The following GRIK2 variants were observed in gnomAD, a reference collection of about 807,000 sequenced individuals.
GRIK2 encodes the protein glutamate ionotropic receptor kainate type subunit 2, also known as glutamate receptor ionotropic, kainate 2.
A neutral mutation model predicts 100.3 loss-of-function variants in GRIK2; 32 were observed. That is an observed-to-expected ratio of 0.32 (90% CI 0.24 to 0.43). The LOEUF is 0.43. Ranked by LOEUF, GRIK2 falls within the 20% of genes least tolerant of loss-of-function variation. GRIK2 has a pLI of 1.00. For synonymous variants in GRIK2, 417 were observed against 389.4 expected (o/e 1.07, Z -0.83); for missense variants, 843 against 1,114.9 (o/e 0.76, Z 3.47).
chr6:101,876,640 A>G lies in GRIK2; in HGVS notation c.1525-13000A>G, dbSNP rs1038705253. Among the ~76,000 whole-genome samples the G allele has an allele frequency of 5.3e-5, 8 of 151,856 alleles. No individual in the cohort carries two copies. The East Asian group carries it at 5.8e-4, about 11-fold the overall frequency. On this transcript the variant is annotated intron_variant, in intron 11 of 16. Coordinates refer to ENST00000369134, the MANE Select transcript of GRIK2 (RefSeq NM_021956.5). Reference sequence around the variant, plus strand: ...GCTTATCAATGCACAGTGAGATTTAATGTGCACTACTCATTATCCTGGTGA... The same window carrying G: ...GCTTATCAATGCACAGTGAGATTTAGTGTGCACTACTCATTATCCTGGTGA...
intron 2 of GRIK2, among the ~76,000 whole-genome samples, chr6:101,484,173 A>T (rs575883027): frequency 6.6e-6 from 1 of 152,332 alleles, no homozygotes; most frequent in East Asian, 1.9e-4. Context: ...AGTAGAGTAG[A>T]TAATAGTCCC....
chr6:101,926,108 T>C (rs368744668), intron 13 of GRIK2, among the ~76,000 whole-genome samples: 216 of 151,410 alleles, frequency 1.4e-3, no homozygotes, highest in Non-Finnish European at 2.5e-3. Context: ...AACCTAAGTT[T>C]GTGGCATCTC....
chr6:101,788,045 AC>A (rs765340139), intron 7 of GRIK2, among the ~76,000 whole-genome samples: 19 of 150,492 alleles, frequency 1.3e-4, no homozygotes, highest in Non-Finnish European at 2.4e-4. Flanking sequence ...TTATATAATG[AC>A]CTGGTTTGTC....
intron 14 of GRIK2, among the ~76,000 whole-genome samples, chr6:101,942,560 A>T (rs990676310): frequency 3.3e-5 from 5 of 152,188 alleles, no homozygotes; most frequent in Non-Finnish European, 7.3e-5. Context: ...GGAGATGATG[A>T]ACTTATTGGG....
At chr6:101,844,268 G>A (rs1384854368) in intron 10 of GRIK2, among the ~76,000 whole-genome samples, 1 of 152,112 alleles carries the variant, frequency 6.6e-6, no homozygotes, top group Non-Finnish European at 1.5e-5. Flanking sequence ...TGCTTAAGGG[G>A]AAAATTATCT....
At chr6:101,925,687 C>T (rs1789842646) in intron 13 of GRIK2, among the ~76,000 whole-genome samples, 1 of 151,678 alleles carries the variant, frequency 6.6e-6, no homozygotes, top group Non-Finnish European at 1.5e-5. Context: ...AGTTATCATA[C>T]CTATCATAAG....
At chr6:101,480,521 G>C (rs758177659) in intron 2 of GRIK2, among the ~76,000 whole-genome samples, 12 of 151,896 alleles carry the variant, frequency 7.9e-5, no homozygotes, top group Non-Finnish European at 4.4e-5. Flanking sequence ...AAGCCTCACT[G>C]TTGCTTTGTT....
intron 2 of GRIK2, among the ~76,000 whole-genome samples, chr6:101,406,138 A>G (rs1775583759): frequency 6.6e-6 from 1 of 152,178 alleles, no homozygotes; most frequent in South Asian, 2.1e-4. Flanking sequence ...TTTCAAAGTG[A>G]CAGTTACCTA....
At chr6:101,550,998 G>A (rs1776486009) in intron 2 of GRIK2, among the ~76,000 whole-genome samples, 1 of 152,152 alleles carries the variant, frequency 6.6e-6, no homozygotes, top group South Asian at 2.1e-4. Flanking sequence ...TCCCTGCTCT[G>A]ATGACCTAAT....
intron 2 of GRIK2, among the ~76,000 whole-genome samples, chr6:101,583,735 T>A (rs1287412242): frequency 6.6e-6 from 1 of 152,276 alleles, no homozygotes; most frequent in East Asian, 1.9e-4. Flanking sequence ...ACTTGTTTAG[T>A]GATAACTAAT....
chr6:101,729,232 A>G (rs1775086226), intron 7 of GRIK2, among the ~76,000 whole-genome samples: 1 of 152,044 alleles, frequency 6.6e-6, no homozygotes, highest in African/African-American at 2.4e-5. Context: ...CATCAGTAAC[A>G]TGGATCAGCA....
At chr6:101,528,263 G>T (rs1775250745) in intron 2 of GRIK2, among the ~76,000 whole-genome samples, 1 of 152,056 alleles carries the variant, frequency 6.6e-6, no homozygotes, top group African/African-American at 2.4e-5. Context: ...GAGTTTTGGA[G>T]TTAAGAATAT....
chr6:101,919,637 G>A (rs1789365620), intron 12 of GRIK2, among the ~76,000 whole-genome samples: 1 of 151,788 alleles, frequency 6.6e-6, no homozygotes, highest in Non-Finnish European at 1.5e-5. Context: ...AAAGTCATGA[G>A]TGTGTTAAGT....
At chr6:101,676,117 A>G (rs948016544) in intron 4 of GRIK2, among the ~76,000 whole-genome samples, 38 of 152,344 alleles carry the variant, frequency 2.5e-4, no homozygotes, top group African/African-American at 9.1e-4. Context: ...ATTAATGTAA[A>G]ATACAATACA....
intron 6 of GRIK2, among the ~76,000 whole-genome samples, chr6:101,683,165 C>A (rs1235637199): frequency 2.0e-5 from 3 of 151,386 alleles, no homozygotes; most frequent in African/African-American, 4.9e-5. Flanking sequence ...AGTGCCACTG[C>A]ACTCCAGCCT....
chr6:102,025,524 G>C (rs566923237), intron 14 of GRIK2, among the ~76,000 whole-genome samples: 1 of 151,300 alleles, frequency 6.6e-6, no homozygotes, highest in Non-Finnish European at 1.5e-5. Context: ...TCAAGAGGAA[G>C]TGGAGAAGCG....
intron 12 of GRIK2, among the ~76,000 whole-genome samples, chr6:101,908,595 G>A (rs1237139831): frequency 6.6e-6 from 1 of 151,228 alleles, no homozygotes; most frequent in Non-Finnish European, 1.5e-5. Context: ...GAGGAAGAGA[G>A]TAAATAGATA....
intron 10 of GRIK2, among the ~76,000 whole-genome samples, chr6:101,852,042 T>C (rs539732890): frequency 3.9e-5 from 6 of 152,090 alleles, no homozygotes; most frequent in Admixed American, 3.3e-4. Flanking sequence ...GTAGTTGTTA[T>C]GGAGAATACA....
chr6:101,836,607 C>G (rs1479810582), intron 10 of GRIK2, among the ~76,000 whole-genome samples: 4 of 113,378 alleles, frequency 3.5e-5, no homozygotes, highest in Non-Finnish European at 5.1e-5. Context: ...GGGCTTGTTG[C>G]TATATATATA....
Sources: gnomAD v4.1 joint callset for allele counts (sites outside exome capture counted in the v4.1 genomes callset) on GRCh38, gnomAD v4.1.1 for gene constraint, MANE v1.5 for transcripts, NCBI Gene and HGNC (gene_info 2026-07-23, HGNC 2026-07-21) for gene names.